Variants in GPSM1 observed in about 807,000 individuals in gnomAD.
The protein encoded by GPSM1 is G protein-signaling modulator 1.
Under a neutral mutation model 70.5 loss-of-function variants are expected in GPSM1, and 48 were observed. That is an observed-to-expected ratio of 0.68 (90% CI 0.54 to 0.87). The LOEUF is 0.87. Ranked by LOEUF, GPSM1 falls within the 40% of genes least tolerant of loss-of-function variation. GPSM1 has a pLI of 0.00. For missense variants in GPSM1, 981 were observed against 972.6 expected (o/e 1.01, Z -0.11); for synonymous variants, 416 against 430.1 (o/e 0.97, Z 0.41).
chr9:136,335,105 C>T (rs1041568435), intron 2 of GPSM1, among the ~76,000 whole-genome samples: 2 of 152,140 alleles, frequency 1.3e-5, no homozygotes, highest in African/African-American at 4.8e-5. Context: ...GCGTGCTGTG[C>T]GTGAGCACTC....
chr9:136,344,678 G>A (rs572534219), intron 9 of GPSM1, among the ~76,000 whole-genome samples: 4 of 152,288 alleles, frequency 2.6e-5, no homozygotes, highest in African/African-American at 9.6e-5. Flanking sequence ...GAAGTGAGCC[G>A]CAAGCTTAGA....
At chr9:136,357,659 A>G (rs1214619512) in intron 13 of GPSM1, among the ~76,000 whole-genome samples, 5 of 152,178 alleles carry the variant, frequency 3.3e-5, no homozygotes, top group East Asian at 1.9e-4. Context: ...ACGGCCACGC[A>G]TGCCCGTCCC....
At position 136,330,483 on chromosome 9, in the gene GPSM1, C is replaced by G. The variant is rs560808564; in HGVS notation, c.68+2720C>G. Among the ~76,000 whole-genome samples the G allele has an allele frequency of 2.6e-5, 4 of 152,356 alleles. No individual in the cohort carries two copies. The East Asian group carries it at 7.7e-4, about 29-fold the overall frequency. ...GCCTGACCCCAGGTGCTTCCTACAG[C>G]TGGGTGACCTTCAGTCCCCTCTCCA... On this transcript the variant is annotated intron_variant, in intron 1 of 13. Transcript: ENST00000440944.
intron 7 of GPSM1, among the ~76,000 whole-genome samples, chr9:136,339,231 G>A (rs549722673): frequency 6.6e-6 from 1 of 152,386 alleles, no homozygotes; most frequent in African/African-American, 2.4e-5. Flanking sequence ...CAGCATGAAT[G>A]TACAAAATGC....
rs553453323 is a variant in GPSM1 at position 136,342,997 on chromosome 9, C to A, written c.1207+2004C>A. Among the ~76,000 whole-genome samples, 2 of 152,122 alleles carry A rather than the reference C, an allele frequency of 1.3e-5. No individual in the cohort carries two copies. The highest frequency in any genetic ancestry group is 4.8e-5 in the African/African-American group (2 of 41,408). On this transcript the variant is annotated intron_variant, in intron 9 of 13. Coordinates refer to ENST00000440944, the MANE Select transcript of GPSM1 (RefSeq NM_001145638.3). This position sits in a 1 kb window ranked among gnomAD's most constrained non-coding sequence, Gnocchi z 5.5. ...GGGTTTGGTGTCCCGTTGATAAACA[C>A]AAGGAGACTTACGTGCGGCTGGAGG...
intron 9 of GPSM1, among the ~76,000 whole-genome samples, chr9:136,346,932 C>G (rs1832537465): frequency 6.6e-6 from 1 of 152,222 alleles, no homozygotes. Flanking sequence ...GAACCCAGGG[C>G]TAACGGTGGG....
intron 11 of GPSM1, chr9:136,354,981 C>G: frequency 1.9e-6 from 2 of 1,078,342 alleles, no homozygotes; most frequent in South Asian, 2.3e-5. Context: ...GGGTAGCACC[C>G]ATGAGAGGGG....
In GPSM1 at chr9:136,327,717, G is replaced by A. The variant is rs1471421311; in HGVS notation, c.22G>A (p.Ala8Thr). ...ACCCATGGCGGGCCCGGCCCCGCCC[G>A]CGGCCGACGAGCTCCCGGGCCCGGC... MAGPAPP[A>T]ADELPGPAAR... is the part of the protein sequence containing the mutation. Residue 8 changes from alanine to threonine, a missense_variant, in exon 1 of 14, where the codon GCG becomes ACG. Transcript: ENST00000440944. 1 of 1,173,518 alleles carries A rather than the reference G, an allele frequency of 8.5e-7. No homozygotes were observed. 72.7% of individuals were successfully genotyped at this position (1,173,518 alleles called of 1,614,324 possible). A position where few individuals can be genotyped will look rare whatever the true frequency, so the allele number is the denominator to read the frequency against.
In GPSM1 at chr9:136,355,724, G is replaced by A. The variant is rs1211308390; in HGVS notation, c.1490G>A (p.Cys497Tyr). The change falls in exon 12 of 14, where the codon TGC (cysteine) becomes TAC (tyrosine). Residue 497 changes from cysteine (C) to tyrosine (Y), a missense_variant. Cys to Tyr is a radical substitution (Grantham distance 194). Coordinates refer to ENST00000440944, the MANE Select transcript of GPSM1 (RefSeq NM_001145638.3). ...AGGGCCCCGTCTTCGGACGAGGAGT[G>A]CTTCTTTGACCTGTTGACCAAGTTC... ...IPRAPSSDEE[C>Y]FFDLLTKFQS... 6 of 1,612,400 alleles carry A rather than the reference G, an allele frequency of 3.7e-6. No individual in the cohort carries two copies. The highest frequency in any genetic ancestry group is 5.1e-6 in the Non-Finnish European group (6 of 1,179,548).
intron 11 of GPSM1, 65 bp from the exon 12 acceptor site, chr9:136,355,625 C>A (rs1832792906): frequency 2.0e-6 from 3 of 1,476,768 alleles, no homozygotes; most frequent in Non-Finnish European, 2.8e-6. Context: ...GGGCAAGCAG[C>A]CCCCGGTCTC....
At chr9:136,356,278 G>C (rs1381318710) in intron 12 of GPSM1, 64 bp from the exon 13 acceptor site, 1 of 1,240,290 alleles carries the variant, frequency 8.1e-7, no homozygotes, top group Non-Finnish European at 1.1e-6. Context: ...CACTGTGGCC[G>C]CAGCCCGAGC....
intron 11 of GPSM1, among the ~76,000 whole-genome samples, chr9:136,352,721 G>A (rs1177469259): frequency 2.6e-5 from 4 of 152,344 alleles, no homozygotes; most frequent in South Asian, 2.1e-4. Context: ...GAATAAAGAG[G>A]TGGCTTTCCC....
chr9:136,354,986 G>A (rs1003098537), intron 11 of GPSM1: 9 of 1,081,370 alleles, frequency 8.3e-6, no homozygotes, highest in Non-Finnish European at 9.0e-6. Flanking sequence ...GCACCCATGA[G>A]AGGGGAGAAG....
At chr9:136,332,403 C>T (rs1268722372) in intron 1 of GPSM1, among the ~76,000 whole-genome samples, 7 of 152,216 alleles carry the variant, frequency 4.6e-5, no homozygotes, top group Non-Finnish European at 8.8e-5. Flanking sequence ...CCTTGAGCCT[C>T]GGATGCCACG....
At chr9:136,332,839 C>CA (rs150554566) in intron 1 of GPSM1, among the ~76,000 whole-genome samples, 1,335 of 65,644 alleles carry the variant, frequency 0.02, 23 homozygotes, top group East Asian at 0.057. Flanking sequence ...CCATCTCTAC[C>CA]AAAAAAAAAA....
In GPSM1 at chr9:136,336,084, C is replaced by G; in HGVS notation, c.409C>G (p.Gln137Glu). 6.2e-7 allele frequency: 1 copy of G among 1,611,630 alleles called. No homozygotes were observed. The highest frequency in any genetic ancestry group is 8.5e-7 in the Non-Finnish European group (1 of 1,179,854). Residue 137 changes from glutamine to glutamate, a missense_variant, in exon 3 of 14, where the codon CAA (glutamine) becomes GAA (glutamate). Gln to Glu is a conservative substitution (Grantham distance 29). Coordinates refer to ENST00000440944, the MANE Select transcript of GPSM1 (RefSeq NM_001145638.3). ...VCCQRHLSIA[Q>E]EQGDKVGEAR... is the part of the protein sequence containing the mutation. Reference sequence around the variant, plus strand: ...CTGCCAGCGGCATCTGAGCATCGCCCAAGAGCAGGGAGACAAGGTGGGGGC... The same window carrying G: ...CTGCCAGCGGCATCTGAGCATCGCCGAAGAGCAGGGAGACAAGGTGGGGGC...
chr9:136,334,317 T>C (rs1832173630), intron 1 of GPSM1, 130 bp from the exon 2 acceptor site: 3 of 659,192 alleles, frequency 4.6e-6, no homozygotes, highest in Non-Finnish European at 7.9e-6. Flanking sequence ...GACACTTAGG[T>C]CTGTGAGCAC....
chr9:136,339,993 T>G (rs1244576014), intron 8 of GPSM1, among the ~76,000 whole-genome samples, 178 bp downstream of exon 8: 5 of 135,530 alleles, frequency 3.7e-5, no homozygotes, highest in African/African-American at 6.4e-5. Context: ...TGCCCGGGGG[T>G]TTTTCCTGCA....
Position 136,327,676 on chromosome 9 carries a change from C to A in GPSM1, c.-20C>A. 9.6e-7 allele frequency: 1 copy of A among 1,045,352 alleles called. No individual in the cohort carries two copies. Among genetic ancestry groups the A allele is most frequent in the African/African-American group, 1.7e-5 (1 of 58,760 alleles). 64.8% of individuals were successfully genotyped at this position (1,045,352 alleles called of 1,614,324 possible). Reference sequence around the variant, plus strand: ...CGGCGCGGGGGGCGCTCCCGGCTCCCGCTCCCGCGTCCCCGACCCATGGCG... The same window carrying A: ...CGGCGCGGGGGGCGCTCCCGGCTCCAGCTCCCGCGTCCCCGACCCATGGCG... On this transcript the variant is annotated 5_prime_UTR_variant, in exon 1 of 14. Transcript: ENST00000440944.
Sources: allele counts gnomAD v4.1 joint callset (sites outside exome capture counted in the v4.1 genomes callset), GRCh38; gene constraint gnomAD v4.1.1; non-coding constraint Gnocchi (gnomAD v3.1); transcripts MANE v1.5; gene names NCBI Gene and HGNC (gene_info 2026-07-23, HGNC 2026-07-21).